TNRC18: variants seen among roughly 807,000 people sequenced by gnomAD.
TNRC18 encodes the protein trinucleotide repeat-containing gene 18 protein.
TNRC18 carries 69 observed loss-of-function variants against 226.7 expected under a neutral mutation model. The ratio of observed to expected loss-of-function variants is 0.30; its 90% CI spans 0.25 to 0.37. The LOEUF (loss-of-function observed/expected upper bound fraction) is 0.37, where lower values mean the gene tolerates loss of function less well. TNRC18 is among the 10% of genes least tolerant of loss of function. TNRC18 has a pLI of 1.00. For synonymous variants in TNRC18, 2,449 were observed against 1,927.6 expected, an observed-to-expected ratio of 1.27 and a Z score of -7.09; for missense variants, 4,754 against 4,256.6, an observed-to-expected ratio of 1.12 and a Z score of -3.25.
At chr7:5,352,809 C>T (rs1245062648) in intron 16 of TNRC18, among the ~76,000 whole-genome samples, 4 of 152,258 alleles carry the variant, frequency 2.6e-5, no homozygotes, top group Admixed American at 6.5e-5. Flanking sequence ...CTCCGGCCCC[C>T]GCCATGCTCA....
intron 2 of TNRC18, among the ~76,000 whole-genome samples, chr7:5,399,149 G>C (rs1203715254): frequency 1.3e-5 from 2 of 152,046 alleles, no homozygotes; most frequent in East Asian, 3.9e-4. Context: ...CACACCCAAG[G>C]ACCGAGCAGT....
Position 5,313,693 on chromosome 7 carries a change from G to C in TNRC18, c.7198C>G (p.Pro2400Ala), listed in dbSNP as rs1023950420. 3 of 1,603,744 alleles carry C rather than the reference G, an allele frequency of 1.9e-6. No individual in the cohort carries two copies. The highest frequency in any genetic ancestry group is 2.6e-6 in the Non-Finnish European group (3 of 1,175,594). ...GCTGGGCAGCTGGTGAAGGCGGGTG[G>C]TGCGGGACTGGGCTGCGGCGGTGCC... The part of the protein sequence containing the change: ...RPAPPQPSPA[P>A]PAFTSCPAPE... The change falls in exon 27 of 30, where the codon CCA (proline) becomes GCA (alanine). Residue 2400 changes from proline (P) to alanine (A), a missense_variant. Transcript: ENST00000430969.
At chr7:5,322,648 C>T (rs567356777) in intron 21 of TNRC18, among the ~76,000 whole-genome samples, 2 of 152,350 alleles carry the variant, frequency 1.3e-5, no homozygotes, top group East Asian at 1.9e-4. Context: ...TGCCCGGGGG[C>T]AAACTTGCCG....
Position 5,361,884 on chromosome 7 carries a change from G to C in TNRC18, c.4532+13C>G. 6.5e-7 allele frequency: 1 copy of C among 1,544,818 alleles called. No individual in the cohort carries two copies. On this transcript the variant is annotated intron_variant, in intron 13 of 29. Transcript: ENST00000430969. ...GGCAGGGGCCCCACGGGGCGGGCGG[G>C]GGACACACTCACTCGGAGTCCCGGC...
Position 5,325,204 on chromosome 7 carries a change from C to G in TNRC18, c.6192G>C (p.Pro2064=). 8 of 1,554,268 alleles carry G rather than the reference C, an allele frequency of 5.1e-6. No individual in the cohort carries two copies. Among genetic ancestry groups the G allele is most frequent in the Non-Finnish European group, 7.0e-6 (8 of 1,150,986 alleles). ...KEAGPGAGLP[P]PRAPALPSEA... is the part of the protein sequence containing the mutation. Reference sequence around the variant, plus strand: ...CAGAGGGCAAGGCAGGAGCTCGGGGCGGCGGCAGCCCAGCTCCTGGCCCAG... The same window carrying G: ...CAGAGGGCAAGGCAGGAGCTCGGGGGGGCGGCAGCCCAGCTCCTGGCCCAG... The change falls in exon 20 of 30, where the codon CCG becomes CCC. Residue 2064 remains proline, a synonymous_variant. Coordinates refer to ENST00000430969, the MANE Select transcript of TNRC18 (RefSeq NM_001080495.3).
intron 12 of TNRC18, among the ~76,000 whole-genome samples, chr7:5,362,424 A>G (rs1161231988): frequency 6.6e-6 from 1 of 152,018 alleles, no homozygotes; most frequent in Non-Finnish European, 1.5e-5. Context: ...TCACACCGCG[A>G]CCTGTGTGAT....
Position 5,377,046 on chromosome 7 carries a change from G to C in TNRC18, c.2462-53C>G. ...AGTGCTGGGAGCCCCCAAGCGGTTT[G>C]TCCTCGGGCAGCCCCAGCCCAGCAC... is the stretch of plus-strand genomic sequence containing the variant. On this transcript the variant is annotated intron_variant, in intron 7 of 29. Coordinates refer to ENST00000430969, the MANE Select transcript of TNRC18 (RefSeq NM_001080495.3). The surrounding 1 kb of genome is among the most constrained non-coding windows in gnomAD (Gnocchi z 5.8). 2 of 1,536,104 alleles carry C rather than the reference G, an allele frequency of 1.3e-6. No homozygotes were observed. The highest frequency in any genetic ancestry group is 2.4e-5 in the East Asian group (1 of 41,014).
intron 18 of TNRC18, 33 bp downstream of exon 18, chr7:5,345,529 C>CCCCCCCCCCCCCCCCCCCCGGGCCCCAA: frequency 1.3e-6 from 1 of 782,812 alleles, no homozygotes; most frequent in Non-Finnish European, 1.8e-6. Flanking sequence ...CCCTCCCACC[C>CCCCCCCCCCCCCCCCCCCCGGGCCCCAA]ACCCCCACCG....
At chr7:5,353,575 A>C (rs1329547415) in intron 16 of TNRC18, among the ~76,000 whole-genome samples, 2 of 150,768 alleles carry the variant, frequency 1.3e-5, no homozygotes, top group South Asian at 4.2e-4. Context: ...AAAAAAAAAA[A>C]AAAAAACCCA....
chr7:5,348,500 C>CT (rs1188280228), intron 17 of TNRC18, among the ~76,000 whole-genome samples: 10 of 152,192 alleles, frequency 6.6e-5, no homozygotes, highest in Admixed American at 6.5e-4. Flanking sequence ...GCTTAAGCAA[C>CT]TTGTGGCCAA....
chr7:5,341,309 C>T (rs1415599997), intron 18 of TNRC18, among the ~76,000 whole-genome samples: 2 of 150,560 alleles, frequency 1.3e-5, no homozygotes, highest in Non-Finnish European at 2.9e-5. Flanking sequence ...GTCTCACCTA[C>T]TCGGGAGGCT....
intron 25 of TNRC18, among the ~76,000 whole-genome samples, chr7:5,315,463 C>T (rs1353665346): frequency 6.7e-6 from 1 of 149,842 alleles, no homozygotes; most frequent in African/African-American, 2.5e-5. Flanking sequence ...CTCGCTCTGT[C>T]GCCAGGATGG....
Position 5,312,611 on chromosome 7 carries a change from G to C in TNRC18, c.8280C>G (p.Thr2760=), listed in dbSNP as rs533265159. 1 of 1,610,748 alleles carries C rather than the reference G, an allele frequency of 6.2e-7. No homozygotes were observed. Among genetic ancestry groups the C allele is most frequent in the South Asian group, 1.1e-5 (1 of 90,940 alleles). Residue 2760 remains threonine, a synonymous_variant, in exon 27 of 30, where the codon ACC becomes ACG. Coordinates refer to ENST00000430969, the MANE Select transcript of TNRC18 (RefSeq NM_001080495.3). This position sits in a 1 kb window ranked among gnomAD's most constrained non-coding sequence, Gnocchi z 6.3. ...GGCGCTGCCGCTTGGCCAGCTCCTT[G>C]GTGGTGGGGAGGTGGACGCCCTCTC... ...KKREGVHLPT[T]KELAKRQRLP... is the part of the protein sequence containing the mutation.
intron 15 of TNRC18, among the ~76,000 whole-genome samples, chr7:5,358,643 A>C (rs946550752): frequency 2.0e-5 from 3 of 152,126 alleles, no homozygotes; most frequent in African/African-American, 7.2e-5. Flanking sequence ...GTGAAACCCC[A>C]TCTCTACTAA....
Position 5,313,429 on chromosome 7 carries a change from C to T in TNRC18, c.7462G>A (p.Gly2488Arg), listed in dbSNP as rs1165749841. Residue 2488 changes from glycine to arginine, a missense_variant, in exon 27 of 30, where the codon GGG (glycine) becomes AGG (arginine). Coordinates refer to ENST00000430969, the MANE Select transcript of TNRC18 (RefSeq NM_001080495.3). ...KEALLLREDP[G>R]AGGWQEPKSL... is the part of the protein sequence containing the mutation. Reference sequence around the variant, plus strand: ...TTGGGCTCCTGCCAGCCCCCCGCCCCCGGATCCTCCCGGAGCAGCAGGGCC... The same window carrying T: ...TTGGGCTCCTGCCAGCCCCCCGCCCTCGGATCCTCCCGGAGCAGCAGGGCC... 1 of 1,608,798 alleles carries T rather than the reference C, an allele frequency of 6.2e-7. No individual in the cohort carries two copies. The highest frequency in any genetic ancestry group is 8.5e-7 in the Non-Finnish European group (1 of 1,178,106).
At chr7:5,345,524 C>CCCCCCCCCCCCCCCCCCCCCCCCACCACA in intron 18 of TNRC18, 38 bp downstream of exon 18, 1 of 182,374 alleles carries the variant, frequency 5.5e-6, no homozygotes, top group Non-Finnish European at 1.2e-5. Context: ...TCCGCCCCTC[C>CCCCCCCCCCCCCCCCCCCCCCCCACCACA]CACCCACCCC....
At chr7:5,402,883 T>TGG (rs534612595) in intron 2 of TNRC18, among the ~76,000 whole-genome samples, 6 of 151,048 alleles carry the variant, frequency 4.0e-5, no homozygotes, top group Admixed American at 2.6e-4. Flanking sequence ...TGGTGTGGAA[T>TGG]GGGGGGGCAA....
At chr7:5,310,565 C>T (rs187343330) in intron 27 of TNRC18, among the ~76,000 whole-genome samples, 4 of 152,006 alleles carry the variant, frequency 2.6e-5, no homozygotes, top group East Asian at 3.9e-4. Flanking sequence ...GACAAGGTCT[C>T]ACACTATTGC....
At chr7:5,329,682 CAAAAAAA>C (rs10628315) in intron 19 of TNRC18, among the ~76,000 whole-genome samples, 1 of 45,756 alleles carries the variant, frequency 2.2e-5, no homozygotes, top group African/African-American at 9.4e-5. Context: ...GACTCCGTCT[CAAAAAAA>C]AAAAAAAAAA....
Sources: allele counts gnomAD v4.1 joint callset (sites outside exome capture counted in the v4.1 genomes callset), GRCh38; gene constraint gnomAD v4.1.1; non-coding constraint Gnocchi (gnomAD v3.1); transcripts MANE v1.5; gene names NCBI Gene and HGNC (gene_info 2026-07-23, HGNC 2026-07-21).